Variants in PDGFD observed in about 807,000 individuals in gnomAD.
The protein encoded by PDGFD is platelet-derived growth factor D.
Under a neutral mutation model 44.7 loss-of-function variants are expected in PDGFD, and 30 were observed. That is an observed-to-expected ratio of 0.67 (90% confidence interval 0.50 to 0.91). The LOEUF (loss-of-function observed/expected upper bound fraction) is 0.91. Ranked by LOEUF, PDGFD falls within the 40% of genes least tolerant of loss-of-function variation. The pLI, the probability that PDGFD is intolerant of heterozygous loss-of-function variation, is 0.00. For synonymous variants in PDGFD, 173 were observed against 168.4 expected (o/e 1.03, Z -0.21); for missense variants, 445 against 457.8 (o/e 0.97, Z 0.25).
chr11:103,923,113 C>T (rs780384078), intron 6 of PDGFD, among the ~76,000 whole-genome samples: 2 of 152,128 alleles, frequency 1.3e-5, no homozygotes, highest in Non-Finnish European at 2.9e-5. Flanking sequence ...TAAATGAGTA[C>T]ACTTTTCCTT....
chr11:104,061,887 C>T (rs187241463), intron 1 of PDGFD, among the ~76,000 whole-genome samples: 1 of 152,208 alleles, frequency 6.6e-6, no homozygotes, highest in African/African-American at 2.4e-5. Flanking sequence ...AGATTACAGG[C>T]TTGAGCCACC....
intron 1 of PDGFD, among the ~76,000 whole-genome samples, chr11:104,098,744 T>C (rs1260926111): frequency 6.6e-6 from 1 of 152,136 alleles, no homozygotes; most frequent in Non-Finnish European, 1.5e-5. Flanking sequence ...TCAAATTTCT[T>C]GGCTTAAGTG....
intron 1 of PDGFD, among the ~76,000 whole-genome samples, chr11:104,022,643 G>A (rs986133437): frequency 6.6e-6 from 1 of 151,840 alleles, no homozygotes; most frequent in Non-Finnish European, 1.5e-5. Context: ...TTTTTACTAT[G>A]CTAAGCCAAA....
At chr11:104,149,689 A>G (rs1276524383) in intron 1 of PDGFD, among the ~76,000 whole-genome samples, 1 of 152,110 alleles carries the variant, frequency 6.6e-6, no homozygotes, top group Non-Finnish European at 1.5e-5. Flanking sequence ...ATATGCATTC[A>G]TTTATTCATC....
intron 1 of PDGFD, among the ~76,000 whole-genome samples, chr11:104,025,820 ACT>A (rs1860034913): frequency 6.6e-6 from 1 of 152,286 alleles, no homozygotes; most frequent in African/African-American, 2.4e-5. Context: ...CTGTTTGCTC[ACT>A]CACCTGCCTG....
intron 1 of PDGFD, among the ~76,000 whole-genome samples, chr11:104,117,178 C>T (rs1355512254): frequency 1.3e-5 from 2 of 151,952 alleles, no homozygotes; most frequent in African/African-American, 4.8e-5. Context: ...ACAAAATCCA[C>T]CATCCCTTTA....
chr11:103,991,481 T>C (rs948600055), intron 3 of PDGFD, among the ~76,000 whole-genome samples: 1 of 152,200 alleles, frequency 6.6e-6, no homozygotes, highest in Admixed American at 6.5e-5. Flanking sequence ...GCAACTGATA[T>C]GACAAAATAG....
At chr11:104,088,754 G>A (rs1169127014) in intron 1 of PDGFD, among the ~76,000 whole-genome samples, 4 of 152,180 alleles carry the variant, frequency 2.6e-5, no homozygotes, top group East Asian at 3.9e-4. Flanking sequence ...GATCAGACTC[G>A]TGGATTCTTT....
intron 1 of PDGFD, among the ~76,000 whole-genome samples, chr11:104,135,283 G>A (rs1174787547): frequency 6.6e-6 from 1 of 152,184 alleles, no homozygotes; most frequent in Non-Finnish European, 1.5e-5. Context: ...AAGGCCTGGG[G>A]CAGCCAAATG....
At chr11:103,911,825 T>C (rs545497098) in intron 6 of PDGFD, among the ~76,000 whole-genome samples, 4 of 151,974 alleles carry the variant, frequency 2.6e-5, no homozygotes, top group South Asian at 4.2e-4. Flanking sequence ...AAGAACTTCA[T>C]GAAGCATACA....
At position 104,032,860 on chromosome 11, in the gene PDGFD, T is replaced by A. The variant is rs189427063; in HGVS notation, c.125-32605A>T. Among the ~76,000 whole-genome samples the A allele has an allele frequency of 1.2e-3, 188 of 152,068 alleles. 1 individual carries two copies. The highest frequency in any genetic ancestry group is 2.1e-3 in the Non-Finnish European group (141 of 67,958). On this transcript the variant is annotated intron_variant, in intron 1 of 6. Transcript: ENST00000393158. ...CAGGAATCTCACTTATCAAAAAAAATTTAATTATATTCTTATATTGTACTT... is the reference window on the plus strand; with the variant it reads ...CAGGAATCTCACTTATCAAAAAAAAATTAATTATATTCTTATATTGTACTT...
chr11:103,984,682 T>C (rs1168935049), intron 3 of PDGFD, among the ~76,000 whole-genome samples: 2 of 151,070 alleles, frequency 1.3e-5, no homozygotes, highest in Non-Finnish European at 2.9e-5. Context: ...ATAGATGTAC[T>C]TTATTCCTTG....
chr11:104,078,194 G>C (rs1023700290), intron 1 of PDGFD, among the ~76,000 whole-genome samples: 2 of 152,142 alleles, frequency 1.3e-5, no homozygotes, highest in Non-Finnish European at 2.9e-5. Context: ...CATGGCTGTT[G>C]GGTGGGTTAA....
At chr11:103,986,986 C>A (rs752423545) in intron 3 of PDGFD, among the ~76,000 whole-genome samples, 3 of 152,130 alleles carry the variant, frequency 2.0e-5, no homozygotes, top group Non-Finnish European at 2.9e-5. Context: ...CAACCAGGAA[C>A]TGACTGAGCA....
rs1858326366 is a variant in PDGFD, at chr11:103,927,046, G to T, written c.853C>A (p.Leu285Met). The T allele has an allele frequency of 1.2e-6, 2 of 1,614,180 alleles. No homozygotes were observed. Among genetic ancestry groups the T allele is most frequent in the Non-Finnish European group, 1.7e-6 (2 of 1,180,016 alleles). Residue 285 changes from leucine to methionine, a missense_variant, in exon 6 of 7, where the codon CTG (leucine) becomes ATG (methionine). Leu to Met is a conservative substitution (Grantham distance 15). Transcript: ENST00000393158. ...AAGAAGACCACATTGGCCAACTTCA[G>T]CTCTTCTCTTATATTGACCGAGTAA... ...RNYSVNIREE[L>M]KLANVVFFPR...
intron 1 of PDGFD, among the ~76,000 whole-genome samples, chr11:104,142,762 C>T (rs180935867): frequency 1.6e-3 from 242 of 152,236 alleles, no homozygotes; most frequent in African/African-American, 5.6e-3. Flanking sequence ...AAAATCTTCT[C>T]GAAAATGCAG....
intron 1 of PDGFD, among the ~76,000 whole-genome samples, chr11:104,111,833 T>A (rs1861563334): frequency 1.3e-5 from 2 of 152,142 alleles, no homozygotes; most frequent in Admixed American, 1.3e-4. Flanking sequence ...CGGTTATAAG[T>A]CACGGTAAAA....
intron 1 of PDGFD, among the ~76,000 whole-genome samples, chr11:104,140,814 C>T (rs575670973): frequency 6.6e-6 from 1 of 152,322 alleles, no homozygotes; most frequent in Admixed American, 6.5e-5. Context: ...TTAGACTTTT[C>T]TTCATTAGGA....
chr11:103,951,640 G>A (rs865803914), intron 3 of PDGFD, among the ~76,000 whole-genome samples: 9 of 151,972 alleles, frequency 5.9e-5, no homozygotes, highest in Non-Finnish European at 1.0e-4. Context: ...CAAATAACAC[G>A]ACAAGCCTCT....
Sources: gnomAD v4.1 joint callset for allele counts (sites outside exome capture counted in the v4.1 genomes callset) on GRCh38, gnomAD v4.1.1 for gene constraint, MANE v1.5 for transcripts, NCBI Gene and HGNC (gene_info 2026-07-23, HGNC 2026-07-21) for gene names.